The following CNNM4 variants were observed in gnomAD, a reference collection of about 807,000 sequenced individuals.
CNNM4 encodes metal transporter CNNM4.
CNNM4 carries 32 observed loss-of-function variants against 53.7 expected under a neutral mutation model. The ratio of observed to expected loss-of-function variants is 0.60; its 90% confidence interval spans 0.45 to 0.80. The LOEUF is 0.80. Among genes scored for constraint, CNNM4 ranks in the 30% least tolerant of loss-of-function variants. CNNM4 has a pLI of 0.00. For missense variants in CNNM4, 784 were observed against 1,022.0 expected (o/e 0.77, Z 3.17); for synonymous variants, 410 against 440.0 (o/e 0.93, Z 0.85).
At chr2:96,786,193 G>C (rs181618928) in intron 1 of CNNM4, among the ~76,000 whole-genome samples, 1 of 152,222 alleles carries the variant, frequency 6.6e-6, no homozygotes, top group East Asian at 1.9e-4. Flanking sequence ...GAGGTGGGTG[G>C]ATCACCTGAG....
intron 1 of CNNM4, among the ~76,000 whole-genome samples, chr2:96,771,476 G>A (rs1473875335): frequency 2.6e-5 from 4 of 151,994 alleles, no homozygotes; most frequent in Admixed American, 6.5e-5. Context: ...AGGCCGAGGC[G>A]GGTGGATCAC....
At chr2:96,792,438 C>T (rs906980334) in intron 1 of CNNM4, among the ~76,000 whole-genome samples, 2 of 152,024 alleles carry the variant, frequency 1.3e-5, no homozygotes, top group Non-Finnish European at 2.9e-5. Flanking sequence ...GGCCTCCCTT[C>T]CCCTTCCCCG....
rs749947753 is a variant in CNNM4, at chr2:96,809,306, C to A, written c.2131-14C>A. On this transcript the variant is annotated splice_polypyrimidine_tract_variant and intron_variant, in intron 6 of 6. Transcript: ENST00000377075. ...CAGCCCCTCCCTCCATGAACTCATC[C>A]CTTCCTCATGCAGATCACTCGGCAG... 9.9e-6 allele frequency: 16 copies of A among 1,613,884 alleles called. No homozygotes were observed. The African/African-American group carries it at 2.1e-4, about 22-fold the overall frequency.
intron 1 of CNNM4, among the ~76,000 whole-genome samples, chr2:96,765,641 G>C (rs2078810056): frequency 6.6e-6 from 1 of 152,154 alleles, no homozygotes; most frequent in Non-Finnish European, 1.5e-5. Context: ...AGCTCCTTGA[G>C]GGTAGAGGCC....
At chr2:96,763,697 G>A (rs1009195813) in intron 1 of CNNM4, among the ~76,000 whole-genome samples, 1 of 152,200 alleles carries the variant, frequency 6.6e-6, no homozygotes, top group Non-Finnish European at 1.5e-5. Flanking sequence ...GGTCTGAAAA[G>A]ATGCTGGGGT....
intron 1 of CNNM4, among the ~76,000 whole-genome samples, chr2:96,780,421 T>C (rs2078964185): frequency 6.8e-6 from 1 of 147,616 alleles, no homozygotes; most frequent in Non-Finnish European, 1.5e-5. Flanking sequence ...TGCTCTCCCT[T>C]TTTTTTTTTT....
chr2:96,761,374 C>T lies in CNNM4; in HGVS notation c.375C>T (p.Arg125=). 1.9e-6 allele frequency: 3 copies of T among 1,614,088 alleles called. No homozygotes were observed. Among genetic ancestry groups the T allele is most frequent in the Non-Finnish European group, 2.5e-6 (3 of 1,180,028 alleles). ...TCCAGCAGCTGGTCAACGTGAGCCG[C>T]GGGAACACGTCCGGCGTGCTGGTGG... ...LVVQQLVNVS[R]GNTSGVLVVL... The change falls in exon 1 of 7, where the codon CGC becomes CGT. Residue 125 remains arginine (R), a synonymous_variant. Transcript: ENST00000377075. This position sits in a 1 kb window ranked among gnomAD's most constrained non-coding sequence, Gnocchi z 6.0.
chr2:96,764,597 T>C (rs1179486510), intron 1 of CNNM4, among the ~76,000 whole-genome samples: 1 of 152,232 alleles, frequency 6.6e-6, no homozygotes, highest in Admixed American at 6.5e-5. Flanking sequence ...CCGGGTTCCC[T>C]GCAGCGTGGC....
chr2:96,770,178 G>T (rs1199599937), intron 1 of CNNM4, among the ~76,000 whole-genome samples: 1 of 152,254 alleles, frequency 6.6e-6, no homozygotes, highest in African/African-American at 2.4e-5. Flanking sequence ...TCTTGTTTGT[G>T]CAATGGAAGG....
chr2:96,762,229 G>A lies in CNNM4; in HGVS notation c.1230G>A (p.Val410=). 6.2e-7 allele frequency: 1 copy of A among 1,614,180 alleles called. No homozygotes were observed. The highest frequency in any genetic ancestry group is 1.1e-5 in the South Asian group (1 of 91,080). Reference sequence around the variant, plus strand: ...AAAGCGGCTATACTCGCATCCCGGTGTTCGAAGACGAGCAGTCCAATATTG... The same window carrying A: ...AAAGCGGCTATACTCGCATCCCGGTATTCGAAGACGAGCAGTCCAATATTG... The part of the protein sequence containing the change: ...IMESGYTRIP[V]FEDEQSNIVD... Residue 410 remains valine, a synonymous_variant, in exon 1 of 7, where the codon GTG becomes GTA. Transcript: ENST00000377075.
chr2:96,761,453 AC>A lies in CNNM4; in HGVS notation c.457del (p.Arg153GlyfsTer9). ...SESMKLYALC[T>X]RAQPDGPWLK... ...GAGCATGAAGCTGTATGCACTGTGC[AC>A]CCGGGCCCAGCCCGACGGGCCCTGG... is the stretch of plus-strand genomic sequence containing the variant. On this transcript the variant is annotated frameshift_variant, in exon 1 of 7. Coordinates refer to ENST00000377075, the MANE Select transcript of CNNM4 (RefSeq NM_020184.4). LOFTEE classifies it high-confidence loss of function. This position sits in a 1 kb window ranked among gnomAD's most constrained non-coding sequence, Gnocchi z 6.0. The A allele has an allele frequency of 6.2e-7, 1 of 1,613,948 alleles. No individual in the cohort carries two copies. The highest frequency in any genetic ancestry group is 8.5e-7 in the Non-Finnish European group (1 of 1,179,992).
chr2:96,777,358 TTC>T, intron 1 of CNNM4, among the ~76,000 whole-genome samples: 2 of 152,188 alleles, frequency 1.3e-5, no homozygotes, highest in East Asian at 3.9e-4. Context: ...GCCTTTTTAT[TTC>T]TTTTTTGAGA....
In CNNM4 at chr2:96,801,584, C is replaced by T. The variant is rs1558995789; in HGVS notation, c.1948+1936C>T. On this transcript the variant is annotated intron_variant, in intron 5 of 6. Coordinates refer to ENST00000377075, the MANE Select transcript of CNNM4 (RefSeq NM_020184.4). This position sits in a 1 kb window ranked among gnomAD's most constrained non-coding sequence, Gnocchi z 5.6. ...AGACCACACACAGAGATAGCACACA[C>T]ACAGAGAGACCACACACACAGAGAC... Among the ~76,000 whole-genome samples the T allele has an allele frequency of 6.7e-6, 1 of 149,044 alleles. No individual in the cohort carries two copies. The highest frequency in any genetic ancestry group is 1.5e-5 in the Non-Finnish European group (1 of 67,376).
chr2:96,767,149 C>T (rs980151205), intron 1 of CNNM4, among the ~76,000 whole-genome samples: 2 of 152,226 alleles, frequency 1.3e-5, no homozygotes, highest in Middle Eastern at 3.4e-3. Context: ...GCCGAGTGTC[C>T]CTAGGAGTAA....
In CNNM4 at chr2:96,761,560, C is replaced by G; in HGVS notation, c.561C>G (p.Leu187=). 6.2e-7 allele frequency: 1 copy of G among 1,614,106 alleles called. No individual in the cohort carries two copies. The highest frequency in any genetic ancestry group is 8.5e-7 in the Non-Finnish European group (1 of 1,179,980). The part of the protein sequence containing the change: ...GRFLPLWLHI[L]LITVLLVLSG... ...TCCTGCCTCTCTGGCTGCACATTCT[C>G]CTAATTACGGTGCTGCTGGTGCTGT... The change falls in exon 1 of 7, where the codon CTC becomes CTG. Residue 187 remains leucine, a synonymous_variant. Transcript: ENST00000377075. The surrounding 1 kb of genome is among the most constrained non-coding windows in gnomAD (Gnocchi z 6.0).
chr2:96,803,620 G>T lies in CNNM4; in HGVS notation c.1948+3972G>T, dbSNP rs77395741. Reference sequence around the variant, plus strand: ...AGGTGCCTGTAATCCCAGCTACTTGGGAGGCTGAGGCAAGAGAATCGCTTG... The same window carrying T: ...AGGTGCCTGTAATCCCAGCTACTTGTGAGGCTGAGGCAAGAGAATCGCTTG... On this transcript the variant is annotated intron_variant, in intron 5 of 6. Transcript: ENST00000377075. Among the ~76,000 whole-genome samples the T allele has an allele frequency of 1.9e-4, 29 of 152,056 alleles. No homozygotes were observed. In the East Asian group the frequency reaches 4.9e-3, roughly 25 times the overall value.
rs774907198 is a variant in CNNM4 at position 96,761,773 on chromosome 2, A to G, written c.774A>G (p.Thr258=). 6.8e-6 allele frequency: 11 copies of G among 1,612,350 alleles called. No individual in the cohort carries two copies. Among genetic ancestry groups the G allele is most frequent in the South Asian group, 2.2e-5 (2 of 91,084 alleles). The change falls in exon 1 of 7, where the codon ACA becomes ACG. Residue 258 remains threonine (T), a synonymous_variant. Coordinates refer to ENST00000377075, the MANE Select transcript of CNNM4 (RefSeq NM_020184.4). This position sits in a 1 kb window ranked among gnomAD's most constrained non-coding sequence, Gnocchi z 6.0. ...LGNVLVNTSL[T]ILLDNLIGSG... ...ACGTGCTGGTCAACACCTCCCTCACAATCCTTCTAGACAACCTCATCGGGT... is the reference window on the plus strand; with the variant it reads ...ACGTGCTGGTCAACACCTCCCTCACGATCCTTCTAGACAACCTCATCGGGT...
intron 1 of CNNM4, among the ~76,000 whole-genome samples, chr2:96,764,269 C>T (rs1461081879): frequency 6.6e-6 from 1 of 152,154 alleles, no homozygotes; most frequent in Non-Finnish European, 1.5e-5. Flanking sequence ...GTCAAGTGCC[C>T]TTTCATTAAG....
At chr2:96,765,035 T>G (rs1437185636) in intron 1 of CNNM4, among the ~76,000 whole-genome samples, 6 of 96,864 alleles carry the variant, frequency 6.2e-5, no homozygotes, top group Non-Finnish European at 7.7e-5. Flanking sequence ...TTTTTTTTTT[T>G]TTTTTTTTTT....
Sources: allele counts gnomAD v4.1 joint callset (sites outside exome capture counted in the v4.1 genomes callset), GRCh38; gene constraint gnomAD v4.1.1; non-coding constraint Gnocchi (gnomAD v3.1); transcripts MANE v1.5; gene names NCBI Gene and HGNC (gene_info 2026-07-23, HGNC 2026-07-21).